SPCS2: variants seen among roughly 807,000 people sequenced by gnomAD.
The protein encoded by SPCS2 is SPase 25 kDa subunit.
SPCS2 carries 3 observed loss-of-function variants against 22.3 expected under a neutral mutation model. The observed-to-expected ratio is 0.13, with a 90% CI of 0.06 to 0.35. The LOEUF (loss-of-function observed/expected upper bound fraction) is 0.35. Among genes scored for constraint, SPCS2 ranks in the 10% least tolerant of loss-of-function variants. The probability of loss-of-function intolerance (pLI) is 1.00; values close to 1 mark genes in which losing one functional copy is unlikely to be tolerated. For missense variants in SPCS2, 169 were observed against 280.9 expected (o/e 0.60, Z 2.85); for synonymous variants, 67 against 97.2 (o/e 0.69, Z 1.83).
At chr11:74,949,723 G>A (rs1359830559) in intron 1 of SPCS2, 2 of 456,752 alleles carry the variant, frequency 4.4e-6, no homozygotes, top group Admixed American at 2.4e-5. Context: ...TGTTGTCAGT[G>A]CCCATTTCAC....
chr11:74,970,020 T>A (rs1489039137), intron 4 of SPCS2, among the ~76,000 whole-genome samples: 1 of 152,222 alleles, frequency 6.6e-6, no homozygotes, highest in Non-Finnish European at 1.5e-5. Flanking sequence ...TTCCATTAGC[T>A]TCTGTGTCTT....
chr11:74,971,749 A>G (rs7951528), intron 4 of SPCS2, among the ~76,000 whole-genome samples: 3,141 of 152,218 alleles, frequency 0.021, 92 homozygotes, highest in African/African-American at 0.071. Context: ...GCAAAAAGTG[A>G]TTTTGTCACT....
Position 74,977,909 on chromosome 11 carries a change from C to T in SPCS2, c.*866C>T, listed in dbSNP as rs1300988661. On this transcript the variant is annotated 3_prime_UTR_variant, in exon 5 of 5. Coordinates refer to ENST00000263672, the MANE Select transcript of SPCS2 (RefSeq NM_014752.3). ...ATAACAATAATAACAACATTCTGTA[C>T]TTACTTTGTGCCAGAAATGCTCCAA... 3.9e-5 allele frequency: 6 copies of T among 152,168 alleles called. No homozygotes were observed. Among genetic ancestry groups the T allele is most frequent in the African/African-American group, 1.2e-4 (5 of 41,418 alleles). The allele number at this position is 152,168 out of a possible 1,614,324, so 9.4% of individuals were successfully genotyped here. A position where few individuals can be genotyped will look rare whatever the true frequency, so the allele number is the denominator to read the frequency against.
At position 74,965,895 on chromosome 11, in the gene SPCS2, A is replaced by C. The variant is rs1188371472; in HGVS notation, c.331A>C (p.Lys111Gln). 6.2e-7 allele frequency: 1 copy of C among 1,611,802 alleles called. No homozygotes were observed. The highest frequency in any genetic ancestry group is 8.5e-7 in the Non-Finnish European group (1 of 1,179,360). The change falls in exon 3 of 5, where the codon AAA (lysine) becomes CAA (glutamine). Residue 111 changes from lysine to glutamine, a missense_variant. Transcript: ENST00000263672. ...WDYMHPFPES[K>Q]PVLALCVISY... The stretch of plus-strand genomic sequence containing the variant: ...TTATATGCACCCCTTTCCAGAGTCC[A>C]AACCCGTTTTGGCTTTGTGTGTCAT...
intron 4 of SPCS2, among the ~76,000 whole-genome samples, chr11:74,970,082 G>T (rs1055044068): frequency 2.0e-5 from 3 of 152,192 alleles, no homozygotes; most frequent in African/African-American, 7.2e-5. Context: ...CTGGAGCAGT[G>T]CACTGGGCAA....
At chr11:74,970,296 A>T (rs1029230241) in intron 4 of SPCS2, among the ~76,000 whole-genome samples, 1 of 152,208 alleles carries the variant, frequency 6.6e-6, no homozygotes, top group Non-Finnish European at 1.5e-5. Context: ...TTCTGGGAAG[A>T]TGAAATACCA....
At chr11:74,952,591 A>G (rs1682700329) in intron 1 of SPCS2, among the ~76,000 whole-genome samples, 1 of 152,128 alleles carries the variant, frequency 6.6e-6, no homozygotes. Context: ...TACTGGAATT[A>G]CAGGCATGAG....
rs776223048 is a variant in SPCS2, at chr11:74,965,731, C to A, written c.199-32C>A. 1.8e-5 allele frequency: 28 copies of A among 1,573,740 alleles called. No individual in the cohort carries two copies. The Admixed American group carries it at 4.6e-4, about 26-fold the overall frequency. On this transcript the variant is annotated intron_variant, in intron 2 of 4. Transcript: ENST00000263672. ...AGCACATACTGGGGAGGAAGTATTC[C>A]TATTAGCTTGATTCCTTGTTTTTCT...
chr11:74,954,424 A>C (rs1260592196), intron 1 of SPCS2, among the ~76,000 whole-genome samples: 1 of 152,192 alleles, frequency 6.6e-6, no homozygotes, highest in Non-Finnish European at 1.5e-5. Flanking sequence ...GTGCTAGCTA[A>C]CGTAGTAGTG....
intron 4 of SPCS2, among the ~76,000 whole-genome samples, chr11:74,972,127 C>T (rs546840420): frequency 3.0e-4 from 46 of 152,008 alleles, no homozygotes; most frequent in Non-Finnish European, 4.9e-4. Flanking sequence ...AGCGCAATGA[C>T]GCGATCTTGG....
At chr11:74,951,493 GA>G (rs1364173885) in intron 1 of SPCS2, among the ~76,000 whole-genome samples, 1 of 152,050 alleles carries the variant, frequency 6.6e-6, no homozygotes, top group Non-Finnish European at 1.5e-5. Context: ...GAAATAGAGT[GA>G]ACCCTGCGAG....
intron 4 of SPCS2, among the ~76,000 whole-genome samples, chr11:74,976,547 G>C (rs1948615069): frequency 6.6e-6 from 1 of 152,182 alleles, no homozygotes; most frequent in Non-Finnish European, 1.5e-5. Context: ...AACCTGTCTA[G>C]CATGGCAAAT....
At chr11:74,953,899 C>A (rs958268355) in intron 1 of SPCS2, among the ~76,000 whole-genome samples, 6 of 152,208 alleles carry the variant, frequency 3.9e-5, no homozygotes, top group Non-Finnish European at 7.3e-5. Context: ...ATTATCTAGA[C>A]CCTTTTAGCC....
intron 4 of SPCS2, among the ~76,000 whole-genome samples, chr11:74,970,854 T>A (rs532636019): frequency 6.6e-6 from 1 of 152,332 alleles, no homozygotes; most frequent in Non-Finnish European, 1.5e-5. Flanking sequence ...TTTAAGAACT[T>A]TTATATAATT....
chr11:74,963,768 T>G (rs1948528517), intron 1 of SPCS2: 1 of 186,838 alleles, frequency 5.4e-6, no homozygotes, highest in South Asian at 8.3e-5. Context: ...AATATGACAT[T>G]CTCTGTCTTT....
chr11:74,955,477 A>G (rs79107769), intron 1 of SPCS2, among the ~76,000 whole-genome samples: 1,674 of 152,310 alleles, frequency 0.011, 34 homozygotes, highest in African/African-American at 0.036. Context: ...GGCCATATAT[A>G]GTATGACTGC....
intron 1 of SPCS2, among the ~76,000 whole-genome samples, chr11:74,951,591 A>G (rs1178263014): frequency 1.3e-5 from 2 of 152,040 alleles, no homozygotes; most frequent in African/African-American, 4.8e-5. Flanking sequence ...CAGGCGGATC[A>G]CCTGAGGTCG....
intron 1 of SPCS2, among the ~76,000 whole-genome samples, chr11:74,950,253 T>C (rs1014339657): frequency 1.3e-5 from 2 of 152,194 alleles, no homozygotes; most frequent in African/African-American, 2.4e-5. Flanking sequence ...GCTCTCTCTA[T>C]ATCTGTTTTC....
intron 1 of SPCS2, among the ~76,000 whole-genome samples, chr11:74,964,054 C>G (rs532345356): frequency 1.3e-5 from 2 of 152,218 alleles, no homozygotes; most frequent in East Asian, 1.9e-4. Context: ...TACTCCTCCC[C>G]GTATTTCTCT....
Sources: gnomAD v4.1 joint callset for allele counts (sites outside exome capture counted in the v4.1 genomes callset) on GRCh38, gnomAD v4.1.1 for gene constraint, MANE v1.5 for transcripts, NCBI Gene and HGNC (gene_info 2026-07-23, HGNC 2026-07-21) for gene names.